CNBD1: variants seen among roughly 807,000 people sequenced by gnomAD.
CNBD1 encodes cyclic nucleotide-binding domain-containing protein 1.
Under a neutral mutation model 54.4 loss-of-function variants are expected in CNBD1, and 71 were observed. The observed-to-expected ratio is 1.30, with a 90% CI of 1.08 to 1.59. CNBD1 has a LOEUF of 1.59. Ranked by LOEUF, CNBD1 falls within the 40% of genes most tolerant of loss-of-function variation. CNBD1 has a pLI of 0.00. For synonymous variants in CNBD1, 182 were observed against 170.7 expected (o/e 1.07, Z -0.51); for missense variants, 659 against 518.0 (o/e 1.27, Z -2.64).
chr8:87,355,528 A>C (rs925417585), intron 10 of CNBD1, among the ~76,000 whole-genome samples: 2 of 151,638 alleles, frequency 1.3e-5, no homozygotes, highest in African/African-American at 4.8e-5. Context: ...AAATACTATA[A>C]ATACTCAAAT....
chr8:87,296,800 G>A (rs1808884486), intron 8 of CNBD1, among the ~76,000 whole-genome samples: 1 of 151,944 alleles, frequency 6.6e-6, no homozygotes, highest in Non-Finnish European at 1.5e-5. Context: ...TATGGTTTGA[G>A]GAAGTATCTT....
chr8:87,137,321 C>T (rs938938549), intron 4 of CNBD1, among the ~76,000 whole-genome samples: 1 of 150,798 alleles, frequency 6.6e-6, no homozygotes, highest in East Asian at 1.9e-4. Context: ...CTCAGCCTCC[C>T]GAGTAGCTGG....
At chr8:87,364,342 T>G (rs1810592212) in intron 10 of CNBD1, among the ~76,000 whole-genome samples, 1 of 151,868 alleles carries the variant, frequency 6.6e-6, no homozygotes, top group Non-Finnish European at 1.5e-5. Context: ...CTCATAAACT[T>G]TGTAAATGTT....
chr8:87,384,198 T>G (rs1241129592), downstream of CNBD1, among the ~76,000 whole-genome samples: 1 of 152,112 alleles, frequency 6.6e-6, no homozygotes, highest in Non-Finnish European at 1.5e-5. Context: ...GGACCCCTGC[T>G]AAATTTGGCT....
chr8:87,367,671 G>A (rs1253385944), intron 10 of CNBD1, among the ~76,000 whole-genome samples: 1 of 152,090 alleles, frequency 6.6e-6, no homozygotes, highest in Admixed American at 6.6e-5. Flanking sequence ...CTAATCAAAT[G>A]TTCACAACAA....
intron 8 of CNBD1, among the ~76,000 whole-genome samples, chr8:87,318,968 A>G (rs1247522232): frequency 6.6e-6 from 1 of 152,130 alleles, no homozygotes. Context: ...AATGAGCATA[A>G]TGAAATAAAC....
intron 8 of CNBD1, among the ~76,000 whole-genome samples, chr8:87,324,314 T>A (rs1258227838): frequency 1.6e-5 from 2 of 127,560 alleles, no homozygotes; most frequent in East Asian, 4.0e-4. Flanking sequence ...GATGCTGGCC[T>A]CATAAAATGA....
chr8:87,266,917 G>A lies in CNBD1; in HGVS notation c.772-17761G>A, dbSNP rs76725975. Among the ~76,000 whole-genome samples the A allele has an allele frequency of 3.5e-3, 534 of 152,044 alleles. 2 individuals are homozygous for A. The highest frequency in any genetic ancestry group is 0.011 in the African/African-American group (462 of 41,376). On this transcript the variant is annotated intron_variant, in intron 6 of 10. Transcript: ENST00000518476. ...AGGCATCACATGCCTAATGATGAAA[G>A]GAAAGACTTCGAATATTTTAGGTGC...
At chr8:87,324,712 G>T (rs1267239412) in intron 8 of CNBD1, among the ~76,000 whole-genome samples, 2 of 151,314 alleles carry the variant, frequency 1.3e-5, no homozygotes, top group Admixed American at 6.6e-5. Context: ...TAGTAGTCTT[G>T]CTAGCGGTCT....
At chr8:87,320,547 A>T (rs1337024430) in intron 8 of CNBD1, among the ~76,000 whole-genome samples, 3 of 150,514 alleles carry the variant, frequency 2.0e-5, no homozygotes, top group African/African-American at 7.4e-5. Flanking sequence ...TCAATCATTG[A>T]TTAACAGGAT....
At chr8:87,286,979 C>G (rs1808711601) in intron 8 of CNBD1, among the ~76,000 whole-genome samples, 1 of 152,008 alleles carries the variant, frequency 6.6e-6, no homozygotes, top group African/African-American at 2.4e-5. Flanking sequence ...AGGATAAATA[C>G]TAGAGGGTAT....
chr8:86,974,973 C>G (rs1208779083), intron 4 of CNBD1, among the ~76,000 whole-genome samples: 1 of 151,814 alleles, frequency 6.6e-6, no homozygotes, highest in Non-Finnish European at 1.5e-5. Flanking sequence ...CCATTAAAGG[C>G]AGGGCTAATG....
At chr8:87,083,443 C>G (rs1811035533) in intron 4 of CNBD1, among the ~76,000 whole-genome samples, 1 of 152,084 alleles carries the variant, frequency 6.6e-6, no homozygotes, top group South Asian at 2.1e-4. Flanking sequence ...TTTATCTTAA[C>G]CTGAATATTT....
At chr8:87,241,670 A>C (rs1807711725) in intron 6 of CNBD1, among the ~76,000 whole-genome samples, 1 of 152,186 alleles carries the variant, frequency 6.6e-6, no homozygotes, top group Admixed American at 6.5e-5. Flanking sequence ...TTGGTCTAGG[A>C]GTGAGATTAC....
intron 5 of CNBD1, among the ~76,000 whole-genome samples, chr8:87,224,457 A>C (rs1196813414): frequency 1.8e-4 from 28 of 151,568 alleles, no homozygotes; most frequent in African/African-American, 6.8e-4. Flanking sequence ...AGCTTTCTAC[A>C]TATGGCTAGC....
chr8:87,131,137 AT>A (rs2130726510), intron 4 of CNBD1, among the ~76,000 whole-genome samples: 1 of 151,894 alleles, frequency 6.6e-6, no homozygotes, highest in South Asian at 2.1e-4. Flanking sequence ...ATTAAAAAAA[AT>A]CTGCATTCCT....
intron 2 of CNBD1, among the ~76,000 whole-genome samples, chr8:87,404,193 G>A (rs1486623963): frequency 1.3e-5 from 2 of 152,072 alleles, no homozygotes; most frequent in Non-Finnish European, 2.9e-5. Flanking sequence ...AACGTGGGCA[G>A]TGGCAGGGGT....
chr8:87,263,165 C>T (rs1284126364), intron 6 of CNBD1, among the ~76,000 whole-genome samples: 2 of 152,018 alleles, frequency 1.3e-5, no homozygotes, highest in African/African-American at 2.4e-5. Context: ...GATCATTCTT[C>T]CAATTAAAAA....
chr8:87,239,519 T>G (rs534831298), intron 6 of CNBD1, among the ~76,000 whole-genome samples: 2 of 152,156 alleles, frequency 1.3e-5, no homozygotes, highest in Non-Finnish European at 2.9e-5. Context: ...AAAAAAACAT[T>G]ATTTGCTTTT....
Sources: allele counts gnomAD v4.1 joint callset (sites outside exome capture counted in the v4.1 genomes callset), GRCh38; gene constraint gnomAD v4.1.1; transcripts MANE v1.5; gene names NCBI Gene and HGNC (gene_info 2026-07-23, HGNC 2026-07-21).